The following CHN2 variants were observed in gnomAD, a reference collection of about 807,000 sequenced individuals.
CHN2 encodes the protein beta-chimaerin.
CHN2 carries 35 observed loss-of-function variants against 56.3 expected under a neutral mutation model. That is an observed-to-expected ratio of 0.62 (90% CI 0.47 to 0.82). CHN2 has a LOEUF of 0.82. Among genes scored for constraint, CHN2 ranks in the 40% least tolerant of loss-of-function variants. CHN2 has a pLI of 0.00. For synonymous variants in CHN2, 210 were observed against 212.8 expected (o/e 0.99, Z 0.12); for missense variants, 491 against 580.5 (o/e 0.85, Z 1.58).
intron 1 of CHN2, among the ~76,000 whole-genome samples, chr7:29,195,629 A>AGAGTGTGTGTGT (rs869037854): frequency 4.3e-5 from 5 of 117,502 alleles, no homozygotes; most frequent in Admixed American, 2.8e-4. Context: ...AGAGAGAGAG[A>AGAGTGTGTGTGT]GTGTGTGTGT....
intron 1 of CHN2, among the ~76,000 whole-genome samples, chr7:29,251,663 T>C (rs1788532263): frequency 2.0e-5 from 3 of 152,108 alleles, no homozygotes; most frequent in Admixed American, 2.0e-4. Flanking sequence ...TTCAGACATA[T>C]TAGTAATATT....
chr7:29,413,936 G>C (rs184745449), intron 6 of CHN2, among the ~76,000 whole-genome samples: 31 of 152,322 alleles, frequency 2.0e-4, no homozygotes, highest in Non-Finnish European at 8.8e-5. Context: ...TGAAGAAATA[G>C]GTGTGGCTGA....
chr7:29,244,534 G>A (rs1411241421), intron 1 of CHN2, among the ~76,000 whole-genome samples: 1 of 152,210 alleles, frequency 6.6e-6, no homozygotes, highest in African/African-American at 2.4e-5. Context: ...TGTGCATTGA[G>A]GATGGTGAGG....
chr7:29,248,984 A>G (rs1314117446), intron 1 of CHN2, among the ~76,000 whole-genome samples: 1 of 152,176 alleles, frequency 6.6e-6, no homozygotes, highest in Non-Finnish European at 1.5e-5. Context: ...CTGTGATTCC[A>G]GTAGTCAAAA....
intron 1 of CHN2, among the ~76,000 whole-genome samples, chr7:29,332,497 C>T (rs968708269): frequency 5.3e-5 from 8 of 152,050 alleles, no homozygotes; most frequent in Admixed American, 1.3e-4. Context: ...GATCTTTTCC[C>T]GGGCTGGTGA....
At chr7:29,470,639 T>C (rs1393686314) in intron 6 of CHN2, among the ~76,000 whole-genome samples, 1 of 152,192 alleles carries the variant, frequency 6.6e-6, no homozygotes, top group African/African-American at 2.4e-5. Flanking sequence ...GGAGGCTATG[T>C]TTGGTACATT....
chr7:29,389,248 G>A (rs1439995052), intron 3 of CHN2, among the ~76,000 whole-genome samples: 1 of 152,148 alleles, frequency 6.6e-6, no homozygotes, highest in Non-Finnish European at 1.5e-5. Flanking sequence ...ATCATGCCTC[G>A]TTTTTGTCTC....
At chr7:29,316,180 C>T (rs1794943030) in intron 1 of CHN2, among the ~76,000 whole-genome samples, 1 of 152,180 alleles carries the variant, frequency 6.6e-6, no homozygotes, top group South Asian at 2.1e-4. Context: ...CTTAAAGACC[C>T]TTCAGGATCT....
chr7:29,294,849 G>A (rs1188629863), intron 1 of CHN2, among the ~76,000 whole-genome samples: 1 of 152,068 alleles, frequency 6.6e-6, no homozygotes, highest in Non-Finnish European at 1.5e-5. Flanking sequence ...TTCCCTTCAA[G>A]GCCCAGCAAA....
intron 6 of CHN2, among the ~76,000 whole-genome samples, chr7:29,412,545 G>T (rs894901279): frequency 2.0e-5 from 3 of 151,942 alleles, no homozygotes; most frequent in Non-Finnish European, 4.4e-5. Flanking sequence ...TGGCCACAAC[G>T]GTCTCAATCT....
intron 1 of CHN2, among the ~76,000 whole-genome samples, chr7:29,227,120 G>A (rs920465788): frequency 6.6e-6 from 1 of 152,298 alleles, no homozygotes; most frequent in Middle Eastern, 3.4e-3. Context: ...CATTACTGCA[G>A]ACCATGTGTT....
intron 6 of CHN2, among the ~76,000 whole-genome samples, chr7:29,456,539 A>T (rs1274509027): frequency 6.6e-6 from 1 of 152,088 alleles, no homozygotes; most frequent in African/African-American, 2.4e-5. Context: ...TTAAGTCTCA[A>T]GCTCACAATG....
chr7:29,233,478 A>T (rs1786880465), intron 1 of CHN2, among the ~76,000 whole-genome samples: 1 of 152,166 alleles, frequency 6.6e-6, no homozygotes, highest in Non-Finnish European at 1.5e-5. Flanking sequence ...CAAGATGTCG[A>T]CTTCCACTTG....
chr7:29,497,135 T>C (rs978377548), intron 8 of CHN2, among the ~76,000 whole-genome samples: 1 of 152,140 alleles, frequency 6.6e-6, no homozygotes, highest in Non-Finnish European at 1.5e-5. Flanking sequence ...CCTCCCCCAT[T>C]GCAGGTCTAT....
At chr7:29,182,665 T>A (rs1798207488) in intron 2 of CHN2, among the ~76,000 whole-genome samples, 1 of 152,172 alleles carries the variant, frequency 6.6e-6, no homozygotes, top group South Asian at 2.1e-4. Flanking sequence ...ACAAATTGAG[T>A]AAACCCAATG....
chr7:29,510,650 G>C (rs556788746), intron 12 of CHN2, among the ~76,000 whole-genome samples: 2 of 152,136 alleles, frequency 1.3e-5, no homozygotes, highest in African/African-American at 4.8e-5. Flanking sequence ...GCTTCTCTCA[G>C]AACAAAAAAG....
intron 6 of CHN2, among the ~76,000 whole-genome samples, chr7:29,450,604 GC>G (rs1784339275): frequency 6.6e-6 from 1 of 152,196 alleles, no homozygotes; most frequent in African/African-American, 2.4e-5. Context: ...AGGGAGCACA[GC>G]CCTCGATTGC....
chr7:29,409,844 A>G (rs1002850943), intron 6 of CHN2, among the ~76,000 whole-genome samples: 6 of 152,182 alleles, frequency 3.9e-5, no homozygotes, highest in African/African-American at 1.4e-4. Flanking sequence ...AGATGTTTAT[A>G]TTTTGACATC....
intron 2 of CHN2, among the ~76,000 whole-genome samples, chr7:29,189,110 C>T (rs1799078078): frequency 6.6e-6 from 1 of 152,030 alleles, no homozygotes; most frequent in Admixed American, 6.6e-5. Context: ...ACCATCACGC[C>T]TGGCTAATTT....
Sources: gnomAD v4.1 joint callset for allele counts (sites outside exome capture counted in the v4.1 genomes callset) on GRCh38, gnomAD v4.1.1 for gene constraint, MANE v1.5 for transcripts, NCBI Gene and HGNC (gene_info 2026-07-23, HGNC 2026-07-21) for gene names.